Variants in SPACA4 observed in about 807,000 individuals in gnomAD.
SPACA4 encodes the protein sperm acrosome membrane-associated protein 4.
For missense variants in SPACA4, 130 were observed against 169.4 expected (o/e 0.77, Z 1.29); for synonymous variants, 63 against 77.5 (o/e 0.81, Z 0.98).
Position 48,607,413 on chromosome 19 carries a change from A to C in SPACA4, c.*60A>C. 6.6e-7 allele frequency: 1 copy of C among 1,506,120 alleles called. No individual in the cohort carries two copies. The highest frequency in any genetic ancestry group is 1.3e-5 in the South Asian group (1 of 76,782). The allele number at this position is 1,506,120 out of a possible 1,614,324, so 93.3% of individuals were successfully genotyped here. A position where few individuals can be genotyped will look rare whatever the true frequency, so the allele number is the denominator to read the frequency against. ...CAGATCCGCCACTCCCCATGTCCCCATGTCCTTCCCCCACTAAATGGCCAG... is the reference window on the plus strand; with the variant it reads ...CAGATCCGCCACTCCCCATGTCCCCCTGTCCTTCCCCCACTAAATGGCCAG... On this transcript the variant is annotated 3_prime_UTR_variant, in exon 1 of 1. Coordinates refer to ENST00000321762, the MANE Select transcript of SPACA4 (RefSeq NM_133498.3).
Position 48,607,441 on chromosome 19 carries a change from A to G in SPACA4, c.*88A>G, listed in dbSNP as rs1973955668. ...TCCTTCCCCCACTAAATGGCCAGAG[A>G]GGCCCTGGACAACCTCTTGCGGCCC... is the stretch of plus-strand genomic sequence containing the variant. On this transcript the variant is annotated 3_prime_UTR_variant, in exon 1 of 1. Transcript: ENST00000321762. 1.4e-6 allele frequency: 2 copies of G among 1,471,172 alleles called. No homozygotes were observed. The highest frequency in any genetic ancestry group is 1.8e-6 in the Non-Finnish European group (2 of 1,099,516). 91.1% of individuals were successfully genotyped at this position (1,471,172 alleles called of 1,614,324 possible). A position where few individuals can be genotyped will look rare whatever the true frequency, so the allele number is the denominator to read the frequency against.
chr19:48,607,278 G>A lies in SPACA4; in HGVS notation c.300G>A (p.Pro100=), dbSNP rs764565869. Residue 100 remains proline, a synonymous_variant, in exon 1 of 1, where the codon CCG becomes CCA. Coordinates refer to ENST00000321762, the MANE Select transcript of SPACA4 (RefSeq NM_133498.3). The part of the protein sequence containing the change: ...CCTGRLCNRA[P]SSQTVGATTS... ...CCGGCCGCCTGTGTAACAGAGCCCCGAGCAGCCAGACAGTGGGGGCCACCA... is the reference window on the plus strand; with the variant it reads ...CCGGCCGCCTGTGTAACAGAGCCCCAAGCAGCCAGACAGTGGGGGCCACCA... The A allele has an allele frequency of 1.2e-5, 19 of 1,601,672 alleles. No individual in the cohort carries two copies. Among genetic ancestry groups the A allele is most frequent in the African/African-American group, 5.3e-5 (4 of 74,858 alleles).
At position 48,607,039 on chromosome 19, in the gene SPACA4, A is replaced by G. The variant is rs750711119; in HGVS notation, c.61A>G (p.Lys21Glu). The change falls in exon 1 of 1, where the codon AAG (lysine) becomes GAG (glutamate). Residue 21 changes from lysine to glutamate, a missense_variant. Transcript: ENST00000321762. ...TCTGCCCCCAGGCACGACGGGCGTCAAGGACTGCGTCTTCTGTGAGCTCAC... is the reference window on the plus strand; with the variant it reads ...TCTGCCCCCAGGCACGACGGGCGTCGAGGACTGCGTCTTCTGTGAGCTCAC... Reference protein sequence around the residue: ...MALPPGTTGVKDCVFCELTDS... With the variant: ...MALPPGTTGVEDCVFCELTDS... 1.2e-6 allele frequency: 2 copies of G among 1,612,390 alleles called. No individual in the cohort carries two copies. Among genetic ancestry groups the G allele is most frequent in the East Asian group, 4.5e-5 (2 of 44,876 alleles).
At position 48,607,082 on chromosome 19, in the gene SPACA4, C is replaced by T. The variant is rs1973944893; in HGVS notation, c.104C>T (p.Pro35Leu). ...FCELTDSMQC[P>L]GTYMHCGDDE... ...GAGCTCACCGACTCCATGCAGTGTC[C>T]TGGTACCTACATGCACTGTGGCGAT... The change falls in exon 1 of 1, where the codon CCT becomes CTT. Residue 35 changes from proline (P) to leucine (L), a missense_variant. Coordinates refer to ENST00000321762, the MANE Select transcript of SPACA4 (RefSeq NM_133498.3). 1 of 1,613,170 alleles carries T rather than the reference C, an allele frequency of 6.2e-7. No individual in the cohort carries two copies. Among genetic ancestry groups the T allele is most frequent in the Admixed American group, 1.7e-5 (1 of 60,012 alleles).
At position 48,607,177 on chromosome 19, in the gene SPACA4, C is replaced by G. The variant is rs377704012; in HGVS notation, c.199C>G (p.Arg67Gly). 8 of 1,612,920 alleles carry G rather than the reference C, an allele frequency of 5.0e-6. No homozygotes were observed. Among genetic ancestry groups the G allele is most frequent in the Admixed American group, 3.3e-5 (2 of 59,996 alleles). ...TGPVINKGCL[R>G]ATSCGLEEPV... The stretch of plus-strand genomic sequence containing the variant: ...TCCGGTCATCAACAAAGGCTGCCTG[C>G]GAGCCACCAGCTGCGGCCTTGAGGA... Residue 67 changes from arginine (R) to glycine (G), a missense_variant, in exon 1 of 1, where the codon CGA becomes GGA. Coordinates refer to ENST00000321762, the MANE Select transcript of SPACA4 (RefSeq NM_133498.3).
rs1222346163 is a variant in SPACA4, at chr19:48,606,779, G to A, written c.-200G>A. The A allele has an allele frequency of 8.0e-6, 5 of 623,136 alleles. No individual in the cohort carries two copies. The highest frequency in any genetic ancestry group is 4.2e-5 in the South Asian group (2 of 47,878). The allele number at this position is 623,136 out of a possible 1,614,324, so 38.6% of individuals were successfully genotyped here. On this transcript the variant is annotated 5_prime_UTR_variant, in exon 1 of 1. Transcript: ENST00000321762. ...GACTCTTGTTGGGCAGCAGCCACCC[G>A]CTCACCTCCATCCCCAGGACTTAGA...
chr19:48,607,044 C>T lies in SPACA4; in HGVS notation c.66C>T (p.Asp22=), dbSNP rs758571067. ...CCCCAGGCACGACGGGCGTCAAGGA[C>T]TGCGTCTTCTGTGAGCTCACCGACT... ...ALPPGTTGVK[D]CVFCELTDSM... is the part of the protein sequence containing the mutation. The change falls in exon 1 of 1, where the codon GAC becomes GAT. Residue 22 remains aspartate, a synonymous_variant. Coordinates refer to ENST00000321762, the MANE Select transcript of SPACA4 (RefSeq NM_133498.3). 3.4e-5 allele frequency: 55 copies of T among 1,612,526 alleles called. 1 individual carries two copies. The highest frequency in any genetic ancestry group is 3.3e-4 in the Middle Eastern group (2 of 6,084).
Position 48,607,455 on chromosome 19 carries a change from C to A in SPACA4, c.*102C>A. 3 of 1,424,270 alleles carry A rather than the reference C, an allele frequency of 2.1e-6. No individual in the cohort carries two copies. The highest frequency in any genetic ancestry group is 1.4e-5 in the South Asian group (1 of 70,700). The allele number at this position is 1,424,270 out of a possible 1,614,324, so 88.2% of individuals were successfully genotyped here. A position where few individuals can be genotyped will look rare whatever the true frequency, so the allele number is the denominator to read the frequency against. On this transcript the variant is annotated 3_prime_UTR_variant, in exon 1 of 1. Coordinates refer to ENST00000321762, the MANE Select transcript of SPACA4 (RefSeq NM_133498.3). ...AATGGCCAGAGAGGCCCTGGACAAC[C>A]TCTTGCGGCCCTGGCTTCATCCCTT...
Position 48,607,242 on chromosome 19 carries a change from C to A in SPACA4, c.264C>A (p.Thr88=). The A allele has an allele frequency of 1.9e-6, 3 of 1,611,262 alleles. No homozygotes were observed. The highest frequency in any genetic ancestry group is 2.5e-6 in the Non-Finnish European group (3 of 1,179,080). Residue 88 remains threonine (T), a synonymous_variant, in exon 1 of 1, where the codon ACC becomes ACA. Coordinates refer to ENST00000321762, the MANE Select transcript of SPACA4 (RefSeq NM_133498.3). ...GGGGCGTCACCTACAGCCTCACCAC[C>A]AACTGCTGCACCGGCCGCCTGTGTA... The part of the protein sequence containing the change: ...SYRGVTYSLT[T]NCCTGRLCNR...
In SPACA4 at chr19:48,607,603, G is replaced by T; in HGVS notation, c.*250G>T. 1 of 526,426 alleles carries T rather than the reference G, an allele frequency of 1.9e-6. No homozygotes were observed. Among genetic ancestry groups the T allele is most frequent in the Non-Finnish European group, 3.5e-6 (1 of 289,234 alleles). 32.6% of individuals were successfully genotyped at this position (526,426 alleles called of 1,614,324 possible). A position where few individuals can be genotyped will look rare whatever the true frequency, so the allele number is the denominator to read the frequency against. Reference sequence around the variant, plus strand: ...TGTTCCACTGGTTCTAAGACGCAGAGCTTCTCACATCTCAATCAGGATGCT... The same window carrying T: ...TGTTCCACTGGTTCTAAGACGCAGATCTTCTCACATCTCAATCAGGATGCT... On this transcript the variant is annotated 3_prime_UTR_variant, in exon 1 of 1. Coordinates refer to ENST00000321762, the MANE Select transcript of SPACA4 (RefSeq NM_133498.3).
Position 48,607,258 on chromosome 19 carries a change from C to T in SPACA4, c.280C>T (p.Arg94Cys), listed in dbSNP as rs775722052. ...YSLTTNCCTG[R>C]LCNRAPSSQT... ...CCTCACCACCAACTGCTGCACCGGC[C>T]GCCTGTGTAACAGAGCCCCGAGCAG... The change falls in exon 1 of 1, where the codon CGC becomes TGC. Residue 94 changes from arginine to cysteine, a missense_variant. By Grantham distance (180) the Arg-to-Cys change is radical. Transcript: ENST00000321762. 1.5e-5 allele frequency: 24 copies of T among 1,608,226 alleles called. No individual in the cohort carries two copies. Among genetic ancestry groups the T allele is most frequent in the East Asian group, 9.0e-5 (4 of 44,690 alleles).
At position 48,607,231 on chromosome 19, in the gene SPACA4, A is replaced by G. The variant is rs1319077333; in HGVS notation, c.253A>G (p.Ser85Gly). 1 of 1,612,552 alleles carries G rather than the reference A, an allele frequency of 6.2e-7. No individual in the cohort carries two copies. The highest frequency in any genetic ancestry group is 1.1e-5 in the South Asian group (1 of 90,954). The change falls in exon 1 of 1, where the codon AGC (serine) becomes GGC (glycine). Residue 85 changes from serine (S) to glycine (G), a missense_variant. Physicochemically the swap from Ser to Gly is moderately conservative, Grantham distance 56 (BLOSUM62 0). Transcript: ENST00000321762. ...CGTCAGCTACAGGGGCGTCACCTAC[A>G]GCCTCACCACCAACTGCTGCACCGG... ...EPVSYRGVTY[S>G]LTTNCCTGRL... is the part of the protein sequence containing the mutation.
chr19:48,607,439 A>G lies in SPACA4; in HGVS notation c.*86A>G. 1 of 1,474,946 alleles carries G rather than the reference A, an allele frequency of 6.8e-7. No individual in the cohort carries two copies. Among genetic ancestry groups the G allele is most frequent in the East Asian group, 2.5e-5 (1 of 40,432 alleles). 91.4% of individuals were successfully genotyped at this position (1,474,946 alleles called of 1,614,324 possible). On this transcript the variant is annotated 3_prime_UTR_variant, in exon 1 of 1. Transcript: ENST00000321762. ...TGTCCTTCCCCCACTAAATGGCCAG[A>G]GAGGCCCTGGACAACCTCTTGCGGC...
Position 48,607,702 on chromosome 19 carries a change from T to C in SPACA4, c.*349T>C, listed in dbSNP as rs1973961166. On this transcript the variant is annotated 3_prime_UTR_variant, in exon 1 of 1. Transcript: ENST00000321762. ...TATATATATCATAATAAATGACAGC[T>C]GATGTTCATGGAGCATTCTTTGTTT... 4.1e-6 allele frequency: 1 copy of C among 244,468 alleles called. No homozygotes were observed. Among genetic ancestry groups the C allele is most frequent in the African/African-American group, 2.2e-5 (1 of 44,602 alleles). 15.1% of individuals were successfully genotyped at this position (244,468 alleles called of 1,614,324 possible).
In SPACA4 at chr19:48,607,138, G is replaced by T; in HGVS notation, c.160G>T (p.Ala54Ser). 2 of 1,612,720 alleles carry T rather than the reference G, an allele frequency of 1.2e-6. No homozygotes were observed. The highest frequency in any genetic ancestry group is 1.7e-6 in the Non-Finnish European group (2 of 1,179,998). ...DEDCFTGHGVAPGTGPVINKG... is the reference protein window; with the variant it reads ...DEDCFTGHGVSPGTGPVINKG... ...GGACTGCTTCACAGGCCACGGGGTC[G>T]CCCCGGGCACTGGTCCGGTCATCAA... The change falls in exon 1 of 1, where the codon GCC (alanine) becomes TCC (serine). Residue 54 changes from alanine (A) to serine (S), a missense_variant. Physicochemically the swap from Ala to Ser is moderately conservative, Grantham distance 99. Coordinates refer to ENST00000321762, the MANE Select transcript of SPACA4 (RefSeq NM_133498.3).
rs143767613 is a variant in SPACA4, at chr19:48,607,028, C to T, written c.50C>T (p.Thr17Met). The T allele has an allele frequency of 1.1e-4, 184 of 1,611,704 alleles. No individual in the cohort carries two copies. Among genetic ancestry groups the T allele is most frequent in the African/African-American group, 4.3e-4 (32 of 75,068 alleles). Residue 17 changes from threonine (T) to methionine (M), a missense_variant, in exon 1 of 1, where the codon ACG becomes ATG. Coordinates refer to ENST00000321762, the MANE Select transcript of SPACA4 (RefSeq NM_133498.3). ...CTGGTGATGGCTCTGCCCCCAGGCA[C>T]GACGGGCGTCAAGGACTGCGTCTTC... is the stretch of plus-strand genomic sequence containing the variant. ...LLLVMALPPG[T>M]TGVKDCVFCE...
rs1474962804 is a variant in SPACA4 at position 48,607,370 on chromosome 19, G to A, written c.*17G>A. 1.3e-6 allele frequency: 2 copies of A among 1,562,556 alleles called. No homozygotes were observed. The highest frequency in any genetic ancestry group is 4.7e-5 in the East Asian group (2 of 42,810). ...TTGCTGTGACCAACAGGGAGGACAG[G>A]GCCTGGGACTGTTCTCCCAGATCCG... On this transcript the variant is annotated 3_prime_UTR_variant, in exon 1 of 1. Transcript: ENST00000321762.
Position 48,606,885 on chromosome 19 carries a change from A to G in SPACA4, c.-94A>G. On this transcript the variant is annotated 5_prime_UTR_variant, in exon 1 of 1. Transcript: ENST00000321762. ...GGACCAGGGCCAAAGTCCCGTGGGC[A>G]AGAGGAGTCCTCAGAGGTCCTTCAT... is the stretch of plus-strand genomic sequence containing the variant. 6 of 1,466,952 alleles carry G rather than the reference A, an allele frequency of 4.1e-6. No homozygotes were observed. Among genetic ancestry groups the G allele is most frequent in the South Asian group, 3.9e-5 (3 of 76,016 alleles). 90.9% of individuals were successfully genotyped at this position (1,466,952 alleles called of 1,614,324 possible). A position where few individuals can be genotyped will look rare whatever the true frequency, so the allele number is the denominator to read the frequency against.
rs563485367 is a variant in SPACA4, at chr19:48,607,002, T to G, written c.24T>G (p.Leu8=). The change falls in exon 1 of 1, where the codon CTT becomes CTG. Residue 8 remains leucine, a synonymous_variant. Transcript: ENST00000321762. The stretch of plus-strand genomic sequence containing the variant: ...CCATGGTCCTGTGCTGGCTGCTGCT[T>G]CTGGTGATGGCTCTGCCCCCAGGCA... MVLCWLL[L]LVMALPPGTT... The G allele has an allele frequency of 6.2e-7, 1 of 1,608,976 alleles. No homozygotes were observed. The highest frequency in any genetic ancestry group is 1.1e-5 in the South Asian group (1 of 91,084).
Sources: gnomAD v4.1 joint callset for allele counts on GRCh38, gnomAD v4.1.1 for gene constraint, MANE v1.5 for transcripts, NCBI Gene and HGNC (gene_info 2026-07-23, HGNC 2026-07-21) for gene names.